The following NIBAN2 variants were observed in gnomAD, a reference collection of about 807,000 sequenced individuals.
NIBAN2 encodes the protein niban apoptosis regulator 2.
A neutral mutation model predicts 81.8 loss-of-function variants in NIBAN2; 36 were observed. That is an observed-to-expected ratio of 0.44 (90% CI 0.34 to 0.58). The LOEUF is 0.58. Among genes scored for constraint, NIBAN2 ranks in the 20% least tolerant of loss-of-function variants. The pLI is 0.02. For missense variants in NIBAN2, 897 were observed against 1,014.1 expected (o/e 0.88, Z 1.57); for synonymous variants, 445 against 441.6 (o/e 1.01, Z -0.10).
intron 1 of NIBAN2, among the ~76,000 whole-genome samples, chr9:127,552,695 T>TTTG (rs1837600454): frequency 7.1e-6 from 1 of 141,786 alleles, no homozygotes; most frequent in African/African-American, 2.7e-5. Flanking sequence ...TTTTTTTTTT[T>TTTG]TTTTTTTTTT....
At chr9:127,528,839 A>G (rs1166815144) in intron 2 of NIBAN2, among the ~76,000 whole-genome samples, 1 of 152,176 alleles carries the variant, frequency 6.6e-6, no homozygotes, top group African/African-American at 2.4e-5. Context: ...AAAGGCCCCT[A>G]GTTTTCATCT....
intron 1 of NIBAN2, among the ~76,000 whole-genome samples, chr9:127,549,518 G>A (rs1440900070): frequency 2.6e-5 from 4 of 152,080 alleles, no homozygotes; most frequent in Non-Finnish European, 4.4e-5. Flanking sequence ...ACACACATAC[G>A]CACACTTACA....
chr9:127,562,266 G>T (rs1411766969), intron 1 of NIBAN2, among the ~76,000 whole-genome samples: 2 of 152,134 alleles, frequency 1.3e-5, no homozygotes, highest in Non-Finnish European at 2.9e-5. Flanking sequence ...GCCCAGTCTG[G>T]GCACCACGGA....
At chr9:127,554,675 C>T (rs1261903210) in intron 1 of NIBAN2, among the ~76,000 whole-genome samples, 1 of 151,282 alleles carries the variant, frequency 6.6e-6, no homozygotes, top group Non-Finnish European at 1.5e-5. Context: ...ATCCTCCTGC[C>T]TCAGCCTCTC....
chr9:127,534,649 G>A (rs1837241077), intron 1 of NIBAN2, among the ~76,000 whole-genome samples: 1 of 152,176 alleles, frequency 6.6e-6, no homozygotes, highest in Admixed American at 6.5e-5. Flanking sequence ...CACAGACCCT[G>A]TCCCTCCCTG....
chr9:127,571,292 G>T (rs1465295493), upstream of NIBAN2, among the ~76,000 whole-genome samples: 1 of 147,416 alleles, frequency 6.8e-6, no homozygotes, highest in African/African-American at 2.7e-5. Flanking sequence ...CCCAGATGGG[G>T]AGGCAACTTG....
intron 8 of NIBAN2, among the ~76,000 whole-genome samples, chr9:127,513,876 G>A (rs1476931522): frequency 1.3e-5 from 2 of 152,090 alleles, no homozygotes; most frequent in African/African-American, 4.8e-5. Context: ...GGTCTGGATC[G>A]GGACCCCTTT....
intron 9 of NIBAN2, among the ~76,000 whole-genome samples, chr9:127,509,608 C>T (rs1361057674): frequency 1.3e-5 from 2 of 152,128 alleles, no homozygotes; most frequent in Non-Finnish European, 2.9e-5. Context: ...TATGCGGGCT[C>T]CGGGCAGCCA....
intron 8 of NIBAN2, among the ~76,000 whole-genome samples, chr9:127,515,574 C>T (rs1047371559): frequency 6.6e-6 from 1 of 150,392 alleles, no homozygotes; most frequent in Non-Finnish European, 1.5e-5. Context: ...CAGTGGCTCA[C>T]ACCTGTAATC....
At chr9:127,567,399 C>T (rs1588193047) in intron 1 of NIBAN2, among the ~76,000 whole-genome samples, 1 of 152,186 alleles carries the variant, frequency 6.6e-6, no homozygotes, top group Non-Finnish European at 1.5e-5. Flanking sequence ...CAGGACTTAA[C>T]CCCACGCTGG....
intron 1 of NIBAN2, among the ~76,000 whole-genome samples, chr9:127,534,304 G>C (rs1335644642): frequency 6.6e-6 from 1 of 152,176 alleles, no homozygotes; most frequent in African/African-American, 2.4e-5. Context: ...CAGGTACCGA[G>C]GGCACCTGGC....
chr9:127,555,867 G>A (rs563785213), intron 1 of NIBAN2, among the ~76,000 whole-genome samples: 81 of 152,222 alleles, frequency 5.3e-4, no homozygotes, highest in Middle Eastern at 3.2e-3. Flanking sequence ...TGACCAGACA[G>A]GAGCTCTACA....
At position 127,544,027 on chromosome 9, in the gene NIBAN2, T is replaced by C. The variant is rs1837427697; in HGVS notation, c.56-12249A>G. Among the ~76,000 whole-genome samples the C allele has an allele frequency of 3.3e-5, 5 of 152,186 alleles. No individual in the cohort carries two copies. In the South Asian group the frequency reaches 6.2e-4, roughly 19 times the overall value. Reference sequence around the variant, plus strand: ...AGAAGTTAAGTGACTTTCCCGATACTACACAGGGAAGAGCAAAACTGGGAT... The same window carrying C: ...AGAAGTTAAGTGACTTTCCCGATACCACACAGGGAAGAGCAAAACTGGGAT... On this transcript the variant is annotated intron_variant, in intron 1 of 13. Coordinates refer to ENST00000373312, the MANE Select transcript of NIBAN2 (RefSeq NM_022833.4).
intron 1 of NIBAN2, among the ~76,000 whole-genome samples, chr9:127,565,859 CAAGGCTCCCAAAGGA>C (rs1262091800): frequency 2.0e-5 from 3 of 150,050 alleles, no homozygotes; most frequent in Non-Finnish European, 4.4e-5. Context: ...TTTGGGAGGC[CAAGGCTCCCAAAGGA>C]GGATTGGTTG....
At chr9:127,510,625 C>T (rs1178219157) in intron 8 of NIBAN2, among the ~76,000 whole-genome samples, 5 of 152,106 alleles carry the variant, frequency 3.3e-5, no homozygotes, top group East Asian at 1.9e-4. Context: ...TTAGTAGAGA[C>T]GGGGTTTCAC....
Position 127,517,185 on chromosome 9 carries a change from C to G in NIBAN2, c.737G>C (p.Gly246Ala), listed in dbSNP as rs1195318917. The G allele has an allele frequency of 8.7e-6, 14 of 1,613,872 alleles. No homozygotes were observed. The highest frequency in any genetic ancestry group is 1.7e-6 in the Non-Finnish European group (2 of 1,179,984). The part of the protein sequence containing the change: ...ILSNLVMEEL[G>A]PELKAELGPR... ...GCCGAGCTCTGCCTTCAGCTCAGGG[C>G]CCAGCTCCTCCATCACCAGGTTGCT... The change falls in exon 7 of 14, where the codon GGC becomes GCC. Residue 246 changes from glycine (G) to alanine (A), a missense_variant. Gly to Ala is a moderately conservative substitution (Grantham distance 60). This residue lies in a region of NIBAN2 where 619 missense variants were observed against 691.0 expected (regional missense o/e 0.90). Transcript: ENST00000373312. The surrounding 1 kb of genome is among the most constrained non-coding windows in gnomAD (Gnocchi z 4.0).
intron 5 of NIBAN2, among the ~76,000 whole-genome samples, chr9:127,521,550 C>T (rs1287223949): frequency 6.6e-6 from 1 of 152,032 alleles, no homozygotes; most frequent in Admixed American, 6.6e-5. Flanking sequence ...TCCTTCCCCC[C>T]ACCCCCCACT....
intron 1 of NIBAN2, among the ~76,000 whole-genome samples, chr9:127,557,625 G>A (rs1018422466): frequency 1.3e-5 from 2 of 152,210 alleles, no homozygotes; most frequent in African/African-American, 2.4e-5. Context: ...AATCTCAGCA[G>A]GAAGACAGGA....
At position 127,506,877 on chromosome 9, in the gene NIBAN2, CGGT is replaced by C; in HGVS notation, c.2206_2208del (p.Thr736del). ...TCAGTCTGCACCCCTGCACTGTCCT[CGGT>C]GGTGGTGTGGAGGGCGGGGTGGCTG... On this transcript the variant is annotated inframe_deletion, in exon 14 of 14. Coordinates refer to ENST00000373312, the MANE Select transcript of NIBAN2 (RefSeq NM_022833.4). 3 of 1,612,526 alleles carry C rather than the reference CGGT, an allele frequency of 1.9e-6. No individual in the cohort carries two copies. The highest frequency in any genetic ancestry group is 2.5e-6 in the Non-Finnish European group (3 of 1,179,446).
Sources: allele counts gnomAD v4.1 joint callset (sites outside exome capture counted in the v4.1 genomes callset), GRCh38; gene constraint gnomAD v4.1.1; regional missense constraint gnomAD v4.1.1; non-coding constraint Gnocchi (gnomAD v3.1); transcripts MANE v1.5; gene names NCBI Gene and HGNC (gene_info 2026-07-23, HGNC 2026-07-21).